PRKD1: variants seen among roughly 807,000 people sequenced by gnomAD.
PRKD1 encodes protein kinase D1, also known as serine/threonine-protein kinase D1.
PRKD1 carries 63 observed loss-of-function variants against 95.9 expected under a neutral mutation model. The ratio of observed to expected loss-of-function variants is 0.66; its 90% confidence interval spans 0.54 to 0.81. The LOEUF is 0.81. Among genes scored for constraint, PRKD1 ranks in the 30% least tolerant of loss-of-function variants. The probability of loss-of-function intolerance (pLI) is 0.00; values close to 1 mark genes in which losing one functional copy is unlikely to be tolerated. For missense variants in PRKD1, 1,048 were observed against 1,165.3 expected (o/e 0.90, Z 1.47); for synonymous variants, 425 against 423.1 (o/e 1.00, Z -0.05).
At chr14:29,716,366 G>A (rs942406492) in intron 2 of PRKD1, among the ~76,000 whole-genome samples, 4 of 152,164 alleles carry the variant, frequency 2.6e-5, no homozygotes, top group Non-Finnish European at 4.4e-5. Context: ...TTAGAATCCA[G>A]TTCTGGAGCA....
intron 2 of PRKD1, among the ~76,000 whole-genome samples, chr14:29,701,949 A>C: frequency 6.6e-6 from 1 of 152,170 alleles, no homozygotes; most frequent in East Asian, 1.9e-4. Flanking sequence ...ATATTCTTTC[A>C]CATTTCCCCT....
At chr14:29,728,343 T>C (rs1197505704) in intron 1 of PRKD1, among the ~76,000 whole-genome samples, 5 of 152,188 alleles carry the variant, frequency 3.3e-5, no homozygotes, top group African/African-American at 4.8e-5. Context: ...TCTATGAGTC[T>C]TGACAAATAT....
intron 1 of PRKD1, among the ~76,000 whole-genome samples, chr14:29,828,034 TCTC>T (rs1891265869): frequency 6.6e-6 from 1 of 152,162 alleles, no homozygotes; most frequent in Non-Finnish European, 1.5e-5. Context: ...CTACATTTAT[TCTC>T]CTCTCTATGT....
chr14:29,647,093 T>A (rs1298118329), intron 4 of PRKD1, among the ~76,000 whole-genome samples: 11 of 151,720 alleles, frequency 7.3e-5, no homozygotes, highest in Non-Finnish European at 1.6e-4. Context: ...AAAAAAAAAA[T>A]ATGTGCCCAC....
intron 2 of PRKD1, among the ~76,000 whole-genome samples, chr14:29,707,550 G>C (rs1243992703): frequency 6.6e-6 from 1 of 152,132 alleles, no homozygotes; most frequent in East Asian, 1.9e-4. Flanking sequence ...GAGTGGGGAA[G>C]AAACATAAAT....
At chr14:29,581,197 C>T (rs1053257656) in intron 16 of PRKD1, among the ~76,000 whole-genome samples, 3 of 152,072 alleles carry the variant, frequency 2.0e-5, no homozygotes, top group African/African-American at 7.2e-5. Context: ...TCCTTCAGAT[C>T]TTTCAGCCTG....
intron 1 of PRKD1, among the ~76,000 whole-genome samples, chr14:29,896,113 T>A (rs925885589): frequency 1.3e-5 from 2 of 152,164 alleles, no homozygotes; most frequent in Non-Finnish European, 2.9e-5. Flanking sequence ...AATGAGTGAA[T>A]AAATAAATTA....
At chr14:29,621,204 A>T (rs28759242) in intron 13 of PRKD1, among the ~76,000 whole-genome samples, 11 of 55,716 alleles carry the variant, frequency 2.0e-4, no homozygotes, top group Non-Finnish European at 2.8e-4. Context: ...GGATGGGGGG[A>T]GGGGGGAGGG....
intron 13 of PRKD1, among the ~76,000 whole-genome samples, chr14:29,611,088 T>C (rs1358020024): frequency 2.0e-5 from 3 of 152,212 alleles, no homozygotes; most frequent in Non-Finnish European, 2.9e-5. Flanking sequence ...ATTACACATT[T>C]GTCCAAACCC....
chr14:29,803,934 A>C (rs1426990113), intron 1 of PRKD1, among the ~76,000 whole-genome samples: 1 of 152,142 alleles, frequency 6.6e-6, no homozygotes, highest in Non-Finnish European at 1.5e-5. Flanking sequence ...TAAACGTTTC[A>C]ACCACCCATA....
chr14:29,798,152 CTT>C (rs1430146007), intron 1 of PRKD1, among the ~76,000 whole-genome samples: 1 of 152,188 alleles, frequency 6.6e-6, no homozygotes, highest in African/African-American at 2.4e-5. Context: ...CAGCTTTCCT[CTT>C]TGGGAAAATT....
At chr14:29,707,910 C>T (rs184109466) in intron 2 of PRKD1, among the ~76,000 whole-genome samples, 2 of 152,040 alleles carry the variant, frequency 1.3e-5, no homozygotes, top group East Asian at 1.9e-4. Context: ...GATTACTGAC[C>T]CTTCCAAGAC....
intron 1 of PRKD1, among the ~76,000 whole-genome samples, chr14:29,898,772 G>A (rs1894218904): frequency 6.6e-6 from 1 of 152,084 alleles, no homozygotes; most frequent in Non-Finnish European, 1.5e-5. Context: ...TGTGTCCACA[G>A]ATACAAACTG....
chr14:29,692,998 C>T (rs1375961819), intron 2 of PRKD1, among the ~76,000 whole-genome samples: 56 of 152,116 alleles, frequency 3.7e-4, no homozygotes, highest in Admixed American at 3.7e-3. Context: ...CTTGACATTT[C>T]CTAAACGATT....
intron 4 of PRKD1, among the ~76,000 whole-genome samples, chr14:29,647,408 C>T (rs966223125): frequency 1.3e-5 from 2 of 152,240 alleles, no homozygotes; most frequent in East Asian, 3.9e-4. Flanking sequence ...TACATTTCCA[C>T]CGAAGAAGAA....
chr14:29,592,401 A>C (rs1032397394), intron 16 of PRKD1, among the ~76,000 whole-genome samples: 1 of 152,192 alleles, frequency 6.6e-6, no homozygotes, highest in Non-Finnish European at 1.5e-5. Flanking sequence ...ATGCATAACT[A>C]TATATATGAT....
intron 1 of PRKD1, among the ~76,000 whole-genome samples, chr14:29,761,339 T>C (rs755203248): frequency 7.9e-5 from 12 of 152,202 alleles, no homozygotes; most frequent in Non-Finnish European, 1.6e-4. Context: ...AATGCCCAAA[T>C]TCATAAGTAA....
intron 12 of PRKD1, among the ~76,000 whole-genome samples, chr14:29,625,967 A>G (rs1008273717): frequency 2.0e-5 from 3 of 152,142 alleles, no homozygotes; most frequent in Admixed American, 6.5e-5. Flanking sequence ...AAGTTAGAAT[A>G]ATAAACTTAC....
At chr14:29,751,737 A>C (rs914476506) in intron 1 of PRKD1, among the ~76,000 whole-genome samples, 19 of 152,186 alleles carry the variant, frequency 1.2e-4, no homozygotes, top group African/African-American at 4.1e-4. Context: ...CTTACCCTGT[A>C]ATTTTAAGTG....
Sources: gnomAD v4.1 joint callset for allele counts (sites outside exome capture counted in the v4.1 genomes callset) on GRCh38, gnomAD v4.1.1 for gene constraint, MANE v1.5 for transcripts, NCBI Gene and HGNC (gene_info 2026-07-23, HGNC 2026-07-21) for gene names.